Variants in FAM171B observed in about 807,000 individuals in gnomAD.
FAM171B encodes the protein protein FAM171B.
FAM171B carries 19 observed loss-of-function variants against 75.6 expected under a neutral mutation model. The ratio of observed to expected loss-of-function variants is 0.25; its 90% confidence interval spans 0.18 to 0.37. The LOEUF (loss-of-function observed/expected upper bound fraction) is 0.37. Ranked by LOEUF, FAM171B falls within the 10% of genes least tolerant of loss-of-function variation. The probability of loss-of-function intolerance (pLI) is 1.00; values close to 1 mark genes in which losing one functional copy is unlikely to be tolerated. For missense variants in FAM171B, 848 were observed against 982.4 expected (o/e 0.86, Z 1.83); for synonymous variants, 367 against 361.7 (o/e 1.01, Z -0.17).
At chr2:186,729,595 A>C (rs1424975388) in intron 1 of FAM171B, among the ~76,000 whole-genome samples, 1 of 152,168 alleles carries the variant, frequency 6.6e-6, no homozygotes, top group East Asian at 1.9e-4. Flanking sequence ...TTTTCCTTTT[A>C]CTTGAAATAG....
chr2:186,751,199 G>T lies in FAM171B; in HGVS notation c.790G>T (p.Glu264Ter). Residue 264 changes from glutamate to a stop codon, truncating the protein, a stop_gained, in exon 5 of 8, where the codon GAA (glutamate) becomes TAA (stop). Transcript: ENST00000304698. LOFTEE classifies it high-confidence loss of function. ...ICVKIYSGGK[E>*]LKVNGSIQVS... Reference sequence around the variant, plus strand: ...TGTGAAAATATATTCTGGAGGAAAAGAACTAAAGGTCAATGGCTCTATTCA... The same window carrying T: ...TGTGAAAATATATTCTGGAGGAAAATAACTAAAGGTCAATGGCTCTATTCA... 1 of 1,611,878 alleles carries T rather than the reference G, an allele frequency of 6.2e-7. No individual in the cohort carries two copies. The highest frequency in any genetic ancestry group is 8.5e-7 in the Non-Finnish European group (1 of 1,178,550).
chr2:186,745,516 T>A (rs1443123902), intron 3 of FAM171B, among the ~76,000 whole-genome samples: 5 of 152,202 alleles, frequency 3.3e-5, no homozygotes, highest in Non-Finnish European at 7.3e-5. Context: ...CACTTCCTTT[T>A]ACTGTCTCAT....
intron 6 of FAM171B, among the ~76,000 whole-genome samples, chr2:186,754,837 A>AT (rs948910157): frequency 3.9e-5 from 6 of 151,980 alleles, no homozygotes; most frequent in African/African-American, 7.2e-5. Context: ...TTTTTAAATG[A>AT]TTTTTTTTAA....
chr2:186,710,777 G>A (rs898350988), intron 1 of FAM171B, among the ~76,000 whole-genome samples: 3 of 151,810 alleles, frequency 2.0e-5, no homozygotes, highest in Admixed American at 6.6e-5. Context: ...TGAATACTTG[G>A]AAATACACTG....
chr2:186,710,362 G>A (rs1220565019), intron 1 of FAM171B, among the ~76,000 whole-genome samples: 1 of 152,208 alleles, frequency 6.6e-6, no homozygotes, highest in Admixed American at 6.5e-5. Context: ...TTGTGAAGAG[G>A]CAATGTATAA....
chr2:186,702,478 T>C (rs1689676220), intron 1 of FAM171B, among the ~76,000 whole-genome samples: 1 of 152,212 alleles, frequency 6.6e-6, no homozygotes, highest in African/African-American at 2.4e-5. Flanking sequence ...CCTCTTTAAT[T>C]GGCGTTTTGC....
intron 1 of FAM171B, among the ~76,000 whole-genome samples, chr2:186,736,704 G>A (rs1690208260): frequency 7.0e-6 from 1 of 142,512 alleles, no homozygotes; most frequent in East Asian, 2.1e-4. Flanking sequence ...CTAGGACTGG[G>A]TGATTATTAC....
At position 186,747,233 on chromosome 2, in the gene FAM171B, T is replaced by C. The variant is rs1400988080; in HGVS notation, c.707T>C (p.Ile236Thr). ...KVDNFLHTTG[I>T]TLNKPGFENI... ...GACAATTTTCTGCATACAACTGGAA[T>C]TACTCTCAATAAACCAGGTATTATC... The change falls in exon 4 of 8, where the codon ATT becomes ACT. Residue 236 changes from isoleucine to threonine, a missense_variant. By Grantham distance (89) the Ile-to-Thr change is moderately conservative (BLOSUM62 -1). Coordinates refer to ENST00000304698, the MANE Select transcript of FAM171B (RefSeq NM_177454.4). The C allele has an allele frequency of 6.3e-7, 1 of 1,596,298 alleles. No homozygotes were observed. Among genetic ancestry groups the C allele is most frequent in the South Asian group, 1.2e-5 (1 of 86,240 alleles).
At chr2:186,708,355 ATT>A (rs56138791) in intron 1 of FAM171B, among the ~76,000 whole-genome samples, 2 of 151,702 alleles carry the variant, frequency 1.3e-5, no homozygotes, top group East Asian at 1.9e-4. Flanking sequence ...TGATTTCACT[ATT>A]TTTTTTTCTT....
intron 6 of FAM171B, among the ~76,000 whole-genome samples, chr2:186,757,017 C>G (rs1181885119): frequency 6.6e-6 from 1 of 152,102 alleles, no homozygotes; most frequent in Admixed American, 6.6e-5. Flanking sequence ...ACCCTTCTGG[C>G]CCATGGATGT....
intron 1 of FAM171B, among the ~76,000 whole-genome samples, chr2:186,736,263 A>C (rs1690197082): frequency 6.6e-6 from 1 of 152,206 alleles, no homozygotes. Context: ...TACAAGCATA[A>C]ACATTGATGA....
In FAM171B at chr2:186,694,085, G is replaced by C. The variant is rs1023734829; in HGVS notation, c.-89G>C. 1.5e-6 allele frequency: 2 copies of C among 1,374,398 alleles called. No homozygotes were observed. The highest frequency in any genetic ancestry group is 3.7e-5 in the Admixed American group (1 of 27,318). The allele number at this position is 1,374,398 out of a possible 1,614,324, so 85.1% of individuals were successfully genotyped here. A position where few individuals can be genotyped will look rare whatever the true frequency, so the allele number is the denominator to read the frequency against. ...GCAGATTGCGCGAGGGGGAGCGAGC[G>C]AGCGGGCGCTGCCAGGAGCCCGCAG... On this transcript the variant is annotated 5_prime_UTR_variant, in exon 1 of 8. Coordinates refer to ENST00000304698, the MANE Select transcript of FAM171B (RefSeq NM_177454.4).
In FAM171B at chr2:186,694,139, C is replaced by G. The variant is rs772901994; in HGVS notation, c.-35C>G. On this transcript the variant is annotated 5_prime_UTR_variant, in exon 1 of 8. Transcript: ENST00000304698. ...TGGCGCCCGCCGCCGCCCGGAGCCC[C>G]GCAATATGCCGCCGCGGCCCTCTGG... 27 of 1,502,448 alleles carry G rather than the reference C, an allele frequency of 1.8e-5. No individual in the cohort carries two copies. The highest frequency in any genetic ancestry group is 2.1e-5 in the Non-Finnish European group (24 of 1,134,068). The allele number at this position is 1,502,448 out of a possible 1,614,324, so 93.1% of individuals were successfully genotyped here. A position where few individuals can be genotyped will look rare whatever the true frequency, so the allele number is the denominator to read the frequency against.
intron 1 of FAM171B, among the ~76,000 whole-genome samples, chr2:186,726,413 G>T (rs936891431): frequency 6.6e-6 from 1 of 151,936 alleles, no homozygotes; most frequent in Non-Finnish European, 1.5e-5. Context: ...AAAGAAGGAG[G>T]CTTGTGTGTC....
chr2:186,758,614 A>C (rs190965292), intron 6 of FAM171B, among the ~76,000 whole-genome samples: 71 of 152,250 alleles, frequency 4.7e-4, no homozygotes, highest in African/African-American at 1.6e-3. Flanking sequence ...AGTCTTTGTG[A>C]TATTGAAACA....
intron 1 of FAM171B, among the ~76,000 whole-genome samples, chr2:186,726,777 G>GA (rs755141538): frequency 1.1e-4 from 17 of 151,940 alleles, no homozygotes; most frequent in African/African-American, 2.2e-4. Flanking sequence ...ATATTCTTAT[G>GA]AAAAAAATTA....
chr2:186,711,370 T>C (rs1017461443), intron 1 of FAM171B, among the ~76,000 whole-genome samples: 2 of 152,202 alleles, frequency 1.3e-5, no homozygotes, highest in Non-Finnish European at 2.9e-5. Flanking sequence ...CTATACAGCA[T>C]TGGCTGTCTG....
intron 3 of FAM171B, among the ~76,000 whole-genome samples, chr2:186,746,880 C>T (rs1328623701): frequency 6.6e-6 from 1 of 152,178 alleles, no homozygotes; most frequent in Non-Finnish European, 1.5e-5. Context: ...TGAGGAAATT[C>T]TGGGCAGCAG....
In FAM171B at chr2:186,754,105, C is replaced by T. The variant is rs73035680; in HGVS notation, c.1012+56C>T. The T allele has an allele frequency of 7.8e-4, 1,024 of 1,310,928 alleles. 6 individuals are homozygous for T. The African/African-American group carries it at 0.012, about 16-fold the overall frequency. The allele number at this position is 1,310,928 out of a possible 1,614,324, so 81.2% of individuals were successfully genotyped here. On this transcript the variant is annotated intron_variant, in intron 6 of 7. Transcript: ENST00000304698. ...TGTAATTCAAATAGTCTTGCTGGAA[C>T]GGATAGCAGCAGACCTCAGTTTTAT...
Sources: gnomAD v4.1 joint callset for allele counts (sites outside exome capture counted in the v4.1 genomes callset) on GRCh38, gnomAD v4.1.1 for gene constraint, MANE v1.5 for transcripts, NCBI Gene and HGNC (gene_info 2026-07-23, HGNC 2026-07-21) for gene names.